Variants in ATP6V0A2 observed in about 807,000 individuals in gnomAD.
ATP6V0A2 encodes ATPase H+ transporting V0 subunit a2.
In ATP6V0A2, 58 loss-of-function variants were observed where a neutral mutation model predicts 104.4. The observed-to-expected ratio is 0.56, with a 90% CI of 0.45 to 0.69. The LOEUF is 0.69. ATP6V0A2 is among the 30% of genes least tolerant of loss of function. The pLI, the probability that ATP6V0A2 is intolerant of heterozygous loss-of-function variation, is 0.00. For synonymous variants in ATP6V0A2, 376 were observed against 397.9 expected (o/e 0.95, Z 0.65); for missense variants, 938 against 1,062.9 (o/e 0.88, Z 1.63).
At position 123,744,622 on chromosome 12, in the gene ATP6V0A2, G is replaced by A. The variant is rs144722947; in HGVS notation, c.1352G>A (p.Arg451Gln). ...QEIMRMFFNG[R>Q]YILLLMGLFS... ...ATCATGAGGATGTTTTTTAATGGCC[G>A]GTACATCCTCCTGCTGATGGGGCTG... Residue 451 changes from arginine to glutamine, a missense_variant, in exon 12 of 20, where the codon CGG becomes CAG. Physicochemically the swap from Arg to Gln is conservative, Grantham distance 43. Transcript: ENST00000330342. The surrounding 1 kb of genome is among the most constrained non-coding windows in gnomAD (Gnocchi z 5.4). 2 of 1,613,378 alleles carry A rather than the reference G, an allele frequency of 1.2e-6. No homozygotes were observed. Among genetic ancestry groups the A allele is most frequent in the Non-Finnish European group, 1.7e-6 (2 of 1,180,022 alleles).
chr12:123,754,613 T>A, intron 18 of ATP6V0A2, 76 bp downstream of exon 18: 1 of 1,009,800 alleles, frequency 9.9e-7, no homozygotes, highest in Non-Finnish European at 1.6e-6. Flanking sequence ...TGGGATATTT[T>A]AACTTTGTAA....
intron 7 of ATP6V0A2, among the ~76,000 whole-genome samples, chr12:123,735,171 G>A (rs1002299496): frequency 6.9e-6 from 1 of 144,748 alleles, no homozygotes; most frequent in East Asian, 1.9e-4. Flanking sequence ...GTGTGTCTGT[G>A]TGTGTCTGTT....
chr12:123,756,833 G>A lies in ATP6V0A2; in HGVS notation c.2312G>A (p.Trp771Ter). 1 of 1,614,006 alleles carries A rather than the reference G, an allele frequency of 6.2e-7. No homozygotes were observed. The highest frequency in any genetic ancestry group is 8.5e-7 in the Non-Finnish European group (1 of 1,180,044). ...TTTGCAGAGTTGTCTGATGTCCTGT[G>A]GGCCATGCTGATGCGCGTGGGCCTC... ...LAHAQLSDVLWAMLMRVGLRV... is the reference protein window; with the variant it reads ...LAHAQLSDVL The change falls in exon 19 of 20, where the codon TGG becomes TAG. Residue 771 changes from tryptophan (W) to a stop codon, truncating the protein, a stop_gained. Transcript: ENST00000330342. LOFTEE classifies it high-confidence loss of function.
chr12:123,722,431 C>G lies in ATP6V0A2; in HGVS notation c.277C>G (p.Gln93Glu). ...CAGCCCTCCTGCGCCACCCCTGAAACAGGTTCTAGAAATGCAGGTAACTTG... is the reference window on the plus strand; with the variant it reads ...CAGCCCTCCTGCGCCACCCCTGAAAGAGGTTCTAGAAATGCAGGTAACTTG... ...EASPPAPPLK[Q>E]VLEMQEQLQK... Residue 93 changes from glutamine to glutamate, a missense_variant, in exon 3 of 20, where the codon CAG (glutamine) becomes GAG (glutamate). Coordinates refer to ENST00000330342, the MANE Select transcript of ATP6V0A2 (RefSeq NM_012463.4). 6.2e-7 allele frequency: 1 copy of G among 1,609,680 alleles called. No homozygotes were observed. The highest frequency in any genetic ancestry group is 1.3e-5 in the African/African-American group (1 of 74,936).
intron 1 of ATP6V0A2, among the ~76,000 whole-genome samples, chr12:123,715,546 G>C (rs1956331464): frequency 6.6e-6 from 1 of 152,190 alleles, no homozygotes; most frequent in South Asian, 2.1e-4. Flanking sequence ...TGTTTCTTGA[G>C]AGTGCCCAGT....
chr12:123,734,769 A>G lies in ATP6V0A2; in HGVS notation c.731+761A>G, dbSNP rs569307919. ...AGGGGGGTTTGGGCATTTTCTGTTT[A>G]CTAGAATTTGGTTCTCAATTGGTGG... On this transcript the variant is annotated intron_variant, in intron 7 of 19. Coordinates refer to ENST00000330342, the MANE Select transcript of ATP6V0A2 (RefSeq NM_012463.4). 2.6e-5 allele frequency among the ~76,000 whole-genome samples: 4 copies of G among 152,314 alleles called. No homozygotes were observed. In the East Asian group the frequency reaches 5.8e-4, roughly 22 times the overall value.
chr12:123,733,699 G>A lies in ATP6V0A2; in HGVS notation c.649-227G>A, dbSNP rs1055826569. The A allele has an allele frequency of 7.3e-6, 4 of 546,328 alleles. No individual in the cohort carries two copies. In the African/African-American group the frequency reaches 7.6e-5, roughly 10 times the overall value. 33.8% of individuals were successfully genotyped at this position (546,328 alleles called of 1,614,324 possible). A position where few individuals can be genotyped will look rare whatever the true frequency, so the allele number is the denominator to read the frequency against. On this transcript the variant is annotated intron_variant, in intron 6 of 19. Transcript: ENST00000330342. Reference sequence around the variant, plus strand: ...ACTTTACCTGGGAACGCGGGTGTCGGGTGCCTAAAAGTTTTGGCTGCTCTG... The same window carrying A: ...ACTTTACCTGGGAACGCGGGTGTCGAGTGCCTAAAAGTTTTGGCTGCTCTG...
At chr12:123,718,091 A>AT (rs57967439) in intron 1 of ATP6V0A2, among the ~76,000 whole-genome samples, 48 of 142,948 alleles carry the variant, frequency 3.4e-4, no homozygotes, top group South Asian at 9.0e-4. Context: ...TGCCTGGCTA[A>AT]TTTTTTTTTT....
In ATP6V0A2 at chr12:123,759,484, C is replaced by T. The variant is rs1196795830; in HGVS notation, c.*1452C>T. 2.0e-5 allele frequency: 3 copies of T among 152,126 alleles called. No individual in the cohort carries two copies. Among genetic ancestry groups the T allele is most frequent in the Admixed American group, 6.5e-5 (1 of 15,280 alleles). The allele number at this position is 152,126 out of a possible 1,614,324, so 9.4% of individuals were successfully genotyped here. On this transcript the variant is annotated 3_prime_UTR_variant, in exon 20 of 20. Coordinates refer to ENST00000330342, the MANE Select transcript of ATP6V0A2 (RefSeq NM_012463.4). Reference sequence around the variant, plus strand: ...GGTTTTTTGTGAACTTGAGTCAGTCCTATTGAACATTTTGACCTATATTCT... The same window carrying T: ...GGTTTTTTGTGAACTTGAGTCAGTCTTATTGAACATTTTGACCTATATTCT...
At chr12:123,719,695 C>G (rs768027022) in intron 2 of ATP6V0A2, among the ~76,000 whole-genome samples, 1 of 152,026 alleles carries the variant, frequency 6.6e-6, no homozygotes, top group Non-Finnish European at 1.5e-5. Flanking sequence ...CCTACCCCTC[C>G]CCCTGAGCCC....
chr12:123,747,233 A>G (rs1225704747), intron 13 of ATP6V0A2, among the ~76,000 whole-genome samples: 7 of 152,206 alleles, frequency 4.6e-5, no homozygotes, highest in Non-Finnish European at 8.8e-5. Flanking sequence ...TAACACATGT[A>G]TGTCTCCTGC....
At chr12:123,727,066 T>A (rs972364907) in intron 5 of ATP6V0A2, among the ~76,000 whole-genome samples, 11 of 152,006 alleles carry the variant, frequency 7.2e-5, no homozygotes, top group Admixed American at 5.9e-4. Flanking sequence ...GCAAGGTAGA[T>A]TTTTTTTCTG....
rs1296470100 is a variant in ATP6V0A2 at position 123,744,708 on chromosome 12, G to A, written c.1438G>A (p.Gly480Ser). Residue 480 changes from glycine (G) to serine (S), a missense_variant, in exon 12 of 20, where the codon GGC becomes AGC. Physicochemically the swap from Gly to Ser is moderately conservative, Grantham distance 56 (BLOSUM62 0). Coordinates refer to ENST00000330342, the MANE Select transcript of ATP6V0A2 (RefSeq NM_012463.4). The surrounding 1 kb of genome is among the most constrained non-coding windows in gnomAD (Gnocchi z 5.4). ...DCFSKSVNLF[G>S]SGWNVSAMYS... ...CTTTTCAAAGTCAGTCAACCTGTTC[G>A]GCTCTGGGTGGAACGTGTCGGCCAT... The A allele has an allele frequency of 1.2e-6, 2 of 1,614,046 alleles. No homozygotes were observed. The highest frequency in any genetic ancestry group is 1.7e-6 in the Non-Finnish European group (2 of 1,180,012).
intron 15 of ATP6V0A2, chr12:123,750,664 T>C (rs1956705915): frequency 5.0e-6 from 1 of 201,586 alleles, no homozygotes; most frequent in Non-Finnish European, 1.0e-5. Flanking sequence ...CTGAATTCTC[T>C]TCCACGATTT....
intron 1 of ATP6V0A2, among the ~76,000 whole-genome samples, chr12:123,714,809 C>T (rs767397661): frequency 3.3e-5 from 5 of 152,046 alleles, no homozygotes; most frequent in Non-Finnish European, 5.9e-5. Context: ...TGTCTGGGCA[C>T]GGTGGTTCAC....
chr12:123,734,523 T>C (rs1956532558), intron 7 of ATP6V0A2, among the ~76,000 whole-genome samples: 1 of 152,192 alleles, frequency 6.6e-6, no homozygotes, highest in Non-Finnish European at 1.5e-5. Flanking sequence ...GGGAGAGTGA[T>C]TGCTTTCTTA....
At chr12:123,745,449 G>A (rs1265282876) in intron 13 of ATP6V0A2, among the ~76,000 whole-genome samples, 4 of 152,182 alleles carry the variant, frequency 2.6e-5, no homozygotes, top group Non-Finnish European at 5.9e-5. Context: ...ACTCACGCCT[G>A]TAATTCCAGC....
rs1956431784 is a variant in ATP6V0A2 at position 123,724,693 on chromosome 12, A to G, written c.334A>G (p.Thr112Ala). Residue 112 changes from threonine (T) to alanine (A), a missense_variant, in exon 4 of 20, where the codon ACT (threonine) becomes GCT (alanine). Transcript: ENST00000330342. ...GCTCGAGGTTGAACTGAGAGAAGTCACTAAGAACAAGGAGAAACTGAGGAA... is the reference window on the plus strand; with the variant it reads ...GCTCGAGGTTGAACTGAGAGAAGTCGCTAAGAACAAGGAGAAACTGAGGAA... ...QKLEVELREV[T>A]KNKEKLRKNL... The G allele has an allele frequency of 6.2e-7, 1 of 1,613,858 alleles. No homozygotes were observed. The highest frequency in any genetic ancestry group is 1.1e-5 in the South Asian group (1 of 91,082).
At chr12:123,747,187 C>T (rs1339707670) in intron 13 of ATP6V0A2, among the ~76,000 whole-genome samples, 1 of 152,174 alleles carries the variant, frequency 6.6e-6, no homozygotes, top group Admixed American at 6.5e-5. Flanking sequence ...AATAGACATA[C>T]AGGAGCATGT....
Sources: allele counts gnomAD v4.1 joint callset (sites outside exome capture counted in the v4.1 genomes callset), GRCh38; gene constraint gnomAD v4.1.1; non-coding constraint Gnocchi (gnomAD v3.1); transcripts MANE v1.5; gene names NCBI Gene and HGNC (gene_info 2026-07-23, HGNC 2026-07-21).